PCDHA13: variants seen among roughly 807,000 people sequenced by gnomAD.
The protein encoded by PCDHA13 is protocadherin alpha-13.
In PCDHA13, 54 loss-of-function variants were observed where a neutral mutation model predicts 64.8. The observed-to-expected ratio is 0.83, with a 90% CI of 0.67 to 1.04. The LOEUF (loss-of-function observed/expected upper bound fraction) is 1.04, where lower values mean the gene tolerates loss of function less well. PCDHA13 is among the 50% of genes least tolerant of loss of function. The pLI is 0.00. For synonymous variants in PCDHA13, 587 were observed against 564.4 expected (o/e 1.04, Z -0.57); for missense variants, 1,248 against 1,254.3 (o/e 0.99, Z 0.08).
At chr5:140,981,327 A>C (rs1330138417) in intron 2 of PCDHA13, among the ~76,000 whole-genome samples, 1 of 152,196 alleles carries the variant, frequency 6.6e-6, no homozygotes, top group Non-Finnish European at 1.5e-5. Context: ...TAATCCCAGC[A>C]CTTTGGGAGG....
At chr5:140,899,948 C>A (rs2067639860) in intron 1 of PCDHA13, among the ~76,000 whole-genome samples, 1 of 151,682 alleles carries the variant, frequency 6.6e-6, no homozygotes, top group South Asian at 2.1e-4. Context: ...GCTGGGACCA[C>A]AGGCATGTGC....
chr5:140,892,069 A>G (rs1554185062), intron 1 of PCDHA13, among the ~76,000 whole-genome samples: 3 of 152,208 alleles, frequency 2.0e-5, no homozygotes, highest in Non-Finnish European at 2.9e-5. Flanking sequence ...GTTACTTTGT[A>G]TAATTTCTAG....
intron 1 of PCDHA13, chr5:140,968,321 A>G: frequency 6.2e-7 from 1 of 1,613,834 alleles, no homozygotes; most frequent in Non-Finnish European, 8.5e-7. Flanking sequence ...GCTGCCAGTC[A>G]CCTCCTATGT....
intron 3 of PCDHA13, among the ~76,000 whole-genome samples, chr5:140,997,500 C>T (rs567570276): frequency 5.3e-4 from 80 of 152,250 alleles, no homozygotes; most frequent in South Asian, 3.9e-3. Context: ...TGTATCTCAA[C>T]ATACCTAAAC....
At chr5:140,910,099 T>G (rs1554194123) in intron 1 of PCDHA13, among the ~76,000 whole-genome samples, 1 of 152,230 alleles carries the variant, frequency 6.6e-6, no homozygotes, top group African/African-American at 2.4e-5. Context: ...CAGCCTCCCC[T>G]TCATTTAAGG....
At position 140,882,466 on chromosome 5, in the gene PCDHA13, G is replaced by A. The variant is rs782656797; in HGVS notation, c.198G>A (p.Val66=). 1 of 1,614,028 alleles carries A rather than the reference G, an allele frequency of 6.2e-7. No individual in the cohort carries two copies. The highest frequency in any genetic ancestry group is 1.1e-5 in the South Asian group (1 of 91,074). The change falls in exon 1 of 4, where the codon GTG becomes GTA. Residue 66 remains valine, a synonymous_variant. Transcript: ENST00000289272. ...LAELVPRLFR[V]ASKRHGDLLE... is the part of the protein sequence containing the mutation. ...AGCTGGTGCCGCGCCTGTTCCGGGT[G>A]GCGTCCAAAAGACACGGGGACCTTC...
chr5:140,983,901 AT>A (rs782712573), intron 3 of PCDHA13, among the ~76,000 whole-genome samples: 20 of 152,338 alleles, frequency 1.3e-4, no homozygotes, highest in Non-Finnish European at 2.6e-4. Context: ...GCATTCGTTG[AT>A]TCTAATCAGC....
chr5:140,922,953 G>A (rs2081086867), intron 1 of PCDHA13, among the ~76,000 whole-genome samples: 1 of 152,168 alleles, frequency 6.6e-6, no homozygotes, highest in Non-Finnish European at 1.5e-5. Context: ...AATCCAGTTT[G>A]TCTTCAGCCA....
At chr5:140,969,553 G>T in intron 1 of PCDHA13, 1 of 1,229,652 alleles carries the variant, frequency 8.1e-7, no homozygotes, top group Non-Finnish European at 1.1e-6. Flanking sequence ...ATGAAGCCTT[G>T]TCCATAAAAT....
At chr5:140,914,929 G>A (rs1167844428) in intron 1 of PCDHA13, among the ~76,000 whole-genome samples, 2 of 145,306 alleles carry the variant, frequency 1.4e-5, no homozygotes, top group African/African-American at 5.0e-5. Flanking sequence ...ATTGTACTAT[G>A]TTGTGAAAAG....
chr5:140,966,714 G>C, intron 1 of PCDHA13: 1 of 1,394,064 alleles, frequency 7.2e-7, no homozygotes, highest in South Asian at 1.6e-5. Flanking sequence ...GGCACGGCTG[G>C]GGAAGCTGCC....
chr5:141,008,999 G>A (rs1389698923), intron 3 of PCDHA13, among the ~76,000 whole-genome samples: 1 of 152,200 alleles, frequency 6.6e-6, no homozygotes, highest in African/African-American at 2.4e-5. Context: ...ACTAAAAGGA[G>A]CATATTTTGC....
In PCDHA13 at chr5:140,893,987, T is replaced by C. The variant is rs112405686; in HGVS notation, c.2394+9325T>C. Among the ~76,000 whole-genome samples, 507 of 152,320 alleles carry C rather than the reference T, an allele frequency of 3.3e-3. 2 individuals carry two copies. The highest frequency in any genetic ancestry group is 0.012 in the African/African-American group (487 of 41,562). ...TAGATACTTTTATAATTTTAAAATA[T>C]CTCCAATTGTATGGTTGGTTCAAAT... is the stretch of plus-strand genomic sequence containing the variant. On this transcript the variant is annotated intron_variant, in intron 1 of 3. Transcript: ENST00000289272.
chr5:140,967,368 A>G (rs2096133589), intron 1 of PCDHA13: 1 of 1,607,738 alleles, frequency 6.2e-7, no homozygotes, highest in Non-Finnish European at 8.5e-7. Flanking sequence ...AAGCCCCTGC[A>G]GGAGAACAGT....
At chr5:140,983,865 GC>G (rs2097073239) in intron 3 of PCDHA13, among the ~76,000 whole-genome samples, 1 of 152,120 alleles carries the variant, frequency 6.6e-6, no homozygotes, top group Admixed American at 6.5e-5. Context: ...GCAGCTAAGG[GC>G]CCATTTTTAC....
intron 1 of PCDHA13, among the ~76,000 whole-genome samples, chr5:140,939,846 T>G (rs2092473465): frequency 6.6e-6 from 1 of 152,222 alleles, no homozygotes; most frequent in Non-Finnish European, 1.5e-5. Flanking sequence ...GTTGTTGTGT[T>G]CTGTATATGT....
In PCDHA13 at chr5:141,010,449, C is replaced by G. The variant is rs764975082; in HGVS notation, c.*512C>G. 1.1e-6 allele frequency: 1 copy of G among 915,348 alleles called. No homozygotes were observed. Among genetic ancestry groups the G allele is most frequent in the East Asian group, 2.7e-5 (1 of 36,418 alleles). 56.7% of individuals were successfully genotyped at this position (915,348 alleles called of 1,614,324 possible). ...CAAGAAAACAAAGACAAATAAACAGCGGAAGTTATCAGTATGGAGGGGAAG... is the reference window on the plus strand; with the variant it reads ...CAAGAAAACAAAGACAAATAAACAGGGGAAGTTATCAGTATGGAGGGGAAG... On this transcript the variant is annotated 3_prime_UTR_variant, in exon 4 of 4. Transcript: ENST00000289272.
intron 1 of PCDHA13, chr5:140,966,279 G>C (rs1429727504): frequency 3.3e-5 from 12 of 364,508 alleles, no homozygotes; most frequent in Non-Finnish European, 4.9e-5. Context: ...ACTGGACAGT[G>C]GGGGTAGGGA....
Position 140,884,409 on chromosome 5 carries a change from C to G in PCDHA13, c.2141C>G (p.Thr714Arg), listed in dbSNP as rs373513056. The G allele has an allele frequency of 2.7e-5, 43 of 1,613,874 alleles. No individual in the cohort carries two copies. The highest frequency in any genetic ancestry group is 4.0e-5 in the African/African-American group (3 of 74,930). The change falls in exon 1 of 4, where the codon ACG becomes AGG. Residue 714 changes from threonine to arginine, a missense_variant. Thr to Arg is a moderately conservative substitution (Grantham distance 71). Coordinates refer to ENST00000289272, the MANE Select transcript of PCDHA13 (RefSeq NM_018904.3). ...GCGGTGTCCAGCCTGTTGGTGCTCA[C>G]GTTGCTGCTGTATACTGCGCTGCGG... ...ICAVSSLLVL[T>R]LLLYTALRCS...
Sources: gnomAD v4.1 joint callset for allele counts (sites outside exome capture counted in the v4.1 genomes callset) on GRCh38, gnomAD v4.1.1 for gene constraint, MANE v1.5 for transcripts, NCBI Gene and HGNC (gene_info 2026-07-23, HGNC 2026-07-21) for gene names.